CADM2: variants seen among roughly 807,000 people sequenced by gnomAD.
The protein encoded by CADM2 is immunoglobulin superfamily member 4D.
Under a neutral mutation model 49.8 loss-of-function variants are expected in CADM2, and 12 were observed. That is an observed-to-expected ratio of 0.24 (90% CI 0.15 to 0.39). The LOEUF (loss-of-function observed/expected upper bound fraction) is 0.39, where lower values mean the gene tolerates loss of function less well. Ranked by LOEUF, CADM2 falls within the 10% of genes least tolerant of loss-of-function variation. CADM2 has a pLI of 1.00. For synonymous variants in CADM2, 214 were observed against 175.4 expected (o/e 1.22, Z -1.74); for missense variants, 378 against 492.3 (o/e 0.77, Z 2.20).
chr3:85,302,025 A>G (rs1275597986), intron 1 of CADM2, among the ~76,000 whole-genome samples: 1 of 152,078 alleles, frequency 6.6e-6, no homozygotes, highest in Non-Finnish European at 1.5e-5. Flanking sequence ...TTTGCTAGAA[A>G]ATCAGATGTG....
At chr3:85,120,674 C>T (rs1312219370) in intron 1 of CADM2, among the ~76,000 whole-genome samples, 2 of 151,800 alleles carry the variant, frequency 1.3e-5, no homozygotes, top group African/African-American at 4.8e-5. Flanking sequence ...CCAGGGCCTC[C>T]TGGGGGGTAG....
At chr3:86,031,688 A>G (rs1734576339) in intron 8 of CADM2, among the ~76,000 whole-genome samples, 1 of 151,756 alleles carries the variant, frequency 6.6e-6, no homozygotes, top group South Asian at 2.1e-4. Flanking sequence ...TTATTTTCGG[A>G]ATGAAAGGCA....
intron 3 of CADM2, among the ~76,000 whole-genome samples, chr3:85,859,177 A>G (rs61325218): frequency 0.051 from 7,620 of 150,554 alleles, 545 homozygotes; most frequent in African/African-American, 0.16. Context: ...GTATGTAAAC[A>G]TAACTGGAAA....
At chr3:85,313,774 A>G (rs1456752188) in intron 1 of CADM2, among the ~76,000 whole-genome samples, 5 of 152,198 alleles carry the variant, frequency 3.3e-5, no homozygotes, top group Non-Finnish European at 5.9e-5. Context: ...ATAGAATGAT[A>G]TATTTCTTTG....
At chr3:86,046,974 ATT>A (rs1736761416) in intron 8 of CADM2, among the ~76,000 whole-genome samples, 1 of 151,834 alleles carries the variant, frequency 6.6e-6, no homozygotes, top group Non-Finnish European at 1.5e-5. Context: ...GACTCCATTC[ATT>A]TATCAAAATT....
At chr3:85,899,708 G>A (rs2108445845) in intron 5 of CADM2, among the ~76,000 whole-genome samples, 1 of 152,202 alleles carries the variant, frequency 6.6e-6, no homozygotes, top group Middle Eastern at 3.4e-3. Flanking sequence ...TGTTTTTCCT[G>A]TTTATTGATG....
intron 1 of CADM2, among the ~76,000 whole-genome samples, chr3:85,524,022 T>C (rs1220163932): frequency 1.3e-5 from 2 of 152,146 alleles, no homozygotes; most frequent in African/African-American, 4.8e-5. Flanking sequence ...GTACATATGC[T>C]TCCAAGTTAT....
intron 1 of CADM2, among the ~76,000 whole-genome samples, chr3:85,446,126 T>C (rs114424958): frequency 1.7e-3 from 258 of 152,298 alleles, no homozygotes; most frequent in African/African-American, 5.8e-3. Context: ...GCTGTAAATT[T>C]ATTAAAGATG....
chr3:85,527,522 A>G (rs112298650), intron 1 of CADM2, among the ~76,000 whole-genome samples: 24 of 151,548 alleles, frequency 1.6e-4, no homozygotes, highest in African/African-American at 5.5e-4. Context: ...CACACTATAT[A>G]TGAGATAAAT....
intron 1 of CADM2, among the ~76,000 whole-genome samples, chr3:84,959,873 C>G (rs1164468112): frequency 6.6e-6 from 1 of 152,106 alleles, no homozygotes; most frequent in Non-Finnish European, 1.5e-5. Flanking sequence ...CCTGCCTTCC[C>G]AGCAGTCAGC....
chr3:85,696,905 A>C (rs1414417555), intron 1 of CADM2, among the ~76,000 whole-genome samples: 3 of 151,756 alleles, frequency 2.0e-5, no homozygotes, highest in Non-Finnish European at 4.4e-5. Context: ...CTAAAAACTA[A>C]GAAAATAGAT....
chr3:85,169,626 G>T (rs958879720), intron 1 of CADM2, among the ~76,000 whole-genome samples: 2 of 151,942 alleles, frequency 1.3e-5, no homozygotes, highest in Admixed American at 1.3e-4. Context: ...ACAAAAATCT[G>T]CGGGGTGTGG....
At chr3:85,065,963 A>G (rs2036513498) in intron 1 of CADM2, among the ~76,000 whole-genome samples, 1 of 152,206 alleles carries the variant, frequency 6.6e-6, no homozygotes, top group Non-Finnish European at 1.5e-5. Flanking sequence ...TAAATATGCA[A>G]TTAAAAACAA....
In CADM2 at chr3:85,176,918, T is replaced by C. The variant is rs539346932; in HGVS notation, c.61+217250T>C. Among the ~76,000 whole-genome samples, 4 of 152,272 alleles carry C rather than the reference T, an allele frequency of 2.6e-5. No individual in the cohort carries two copies. The South Asian group carries it at 8.3e-4, about 32-fold the overall frequency. ...ATGTTAAAAATAAGTGTGATAAATG[T>C]GTTTCTAAAACCAACATCTTAATGC... On this transcript the variant is annotated intron_variant, in intron 1 of 9. Coordinates refer to ENST00000383699, the MANE Select transcript of CADM2 (RefSeq NM_001167675.2).
intron 1 of CADM2, among the ~76,000 whole-genome samples, chr3:85,598,275 C>G (rs1383381659): frequency 6.6e-6 from 1 of 152,114 alleles, no homozygotes; most frequent in East Asian, 1.9e-4. Context: ...CTTAGAAACT[C>G]TCATACACCT....
intron 5 of CADM2, among the ~76,000 whole-genome samples, chr3:85,894,819 T>A (rs1004110980): frequency 3.3e-5 from 5 of 152,222 alleles, no homozygotes; most frequent in Non-Finnish European, 7.3e-5. Flanking sequence ...CAAGCCTTAG[T>A]GGCTTACATG....
At chr3:85,679,820 A>G (rs1403064043) in intron 1 of CADM2, among the ~76,000 whole-genome samples, 1 of 152,054 alleles carries the variant, frequency 6.6e-6, no homozygotes, top group African/African-American at 2.4e-5. Flanking sequence ...AAAACCATAG[A>G]TTTTGTTATT....
chr3:85,964,905 C>T (rs1449661547), intron 8 of CADM2, among the ~76,000 whole-genome samples: 1 of 151,638 alleles, frequency 6.6e-6, no homozygotes, highest in Non-Finnish European at 1.5e-5. Flanking sequence ...TGTGGTCATA[C>T]TATTTATTTA....
chr3:85,782,634 C>T (rs957339914), intron 2 of CADM2, among the ~76,000 whole-genome samples: 39 of 141,402 alleles, frequency 2.8e-4, no homozygotes, highest in Admixed American at 1.6e-3. Flanking sequence ...CCAGCCTGGG[C>T]GACAGAATGA....
Sources: allele counts gnomAD v4.1 joint callset (sites outside exome capture counted in the v4.1 genomes callset), GRCh38; gene constraint gnomAD v4.1.1; transcripts MANE v1.5; gene names NCBI Gene and HGNC (gene_info 2026-07-23, HGNC 2026-07-21).